Variants in PLEKHG6 observed in about 807,000 individuals in gnomAD.
PLEKHG6 encodes the protein pleckstrin homology and RhoGEF domain containing G6.
Under a neutral mutation model 97.5 loss-of-function variants are expected in PLEKHG6, and 91 were observed. The observed-to-expected ratio is 0.93, with a 90% CI of 0.79 to 1.11. The LOEUF (loss-of-function observed/expected upper bound fraction) is 1.11, where lower values mean the gene tolerates loss of function less well. Ranked by LOEUF, PLEKHG6 falls within the 50% of genes most tolerant of loss-of-function variation. PLEKHG6 has a pLI of 0.00. For missense variants in PLEKHG6, 1,044 were observed against 1,031.0 expected (o/e 1.01, Z -0.17); for synonymous variants, 466 against 425.5 (o/e 1.10, Z -1.17).
intron 10 of PLEKHG6, 70 bp from the exon 11 acceptor site, chr12:6,318,231 G>T: frequency 5.0e-6 from 8 of 1,606,428 alleles, no homozygotes; most frequent in Admixed American, 1.7e-5. Context: ...GCAGAACCAG[G>T]AGCCGCCCTT....
chr12:6,326,892 CG>C (rs942807509), intron 14 of PLEKHG6, among the ~76,000 whole-genome samples: 4 of 151,932 alleles, frequency 2.6e-5, no homozygotes, highest in African/African-American at 4.8e-5. Flanking sequence ...GCCAAATCCC[CG>C]GGGAGTGTGA....
Position 6,313,842 on chromosome 12 carries a change from G to A in PLEKHG6, c.294+58G>A, listed in dbSNP as rs114673626. ...ATACGGCCCCAATTGTGATGGCTCC[G>A]CAGATGACCAGCAAGCTCCGGGAGC... is the stretch of plus-strand genomic sequence containing the variant. On this transcript the variant is annotated intron_variant, in intron 3 of 15. Transcript: ENST00000684764. 1.5e-3 allele frequency: 2,171 copies of A among 1,461,546 alleles called. 14 individuals are homozygous for A. The African/African-American group carries it at 0.021, about 14-fold the overall frequency. 90.5% of individuals were successfully genotyped at this position (1,461,546 alleles called of 1,614,324 possible).
chr12:6,315,426 G>C lies in PLEKHG6; in HGVS notation c.460-128G>C, dbSNP rs1326172276. 1.4e-6 allele frequency: 1 copy of C among 696,426 alleles called. No individual in the cohort carries two copies. The highest frequency in any genetic ancestry group is 2.8e-5 in the Admixed American group (1 of 35,958). The allele number at this position is 696,426 out of a possible 1,614,324, so 43.1% of individuals were successfully genotyped here. On this transcript the variant is annotated intron_variant, in intron 4 of 15. Coordinates refer to ENST00000684764, the MANE Select transcript of PLEKHG6 (RefSeq NM_001384598.1). This position sits in a 1 kb window ranked among gnomAD's most constrained non-coding sequence, Gnocchi z 4.5. ...CCTACACATCAGAGCACTGGTTTGA[G>C]GATTAAAAGGTCATGGTCATGCACA...
chr12:6,317,381 G>A lies in PLEKHG6; in HGVS notation c.835G>A (p.Glu279Lys), dbSNP rs751194198. The change falls in exon 8 of 16, where the codon GAA becomes AAA. Residue 279 changes from glutamate to lysine, a missense_variant. Transcript: ENST00000684764. ...CATGGCTTACGCCCGAGAACAGCAAGAAACTAACCCTCTCTTCCATGCCTT... is the reference window on the plus strand; with the variant it reads ...CATGGCTTACGCCCGAGAACAGCAAAAAACTAACCCTCTCTTCCATGCCTT... ...QTMAYAREQQ[E>K]TNPLFHAFVQ... 6.2e-7 allele frequency: 1 copy of A among 1,614,104 alleles called. No individual in the cohort carries two copies. The highest frequency in any genetic ancestry group is 8.5e-7 in the Non-Finnish European group (1 of 1,179,998).
In PLEKHG6 at chr12:6,327,402, C is replaced by G; in HGVS notation, c.1819C>G (p.Arg607Gly). The change falls in exon 15 of 16, where the codon CGT becomes GGT. Residue 607 changes from arginine to glycine, a missense_variant. Arg to Gly is a moderately radical substitution (Grantham distance 125). Transcript: ENST00000684764. ...TPTGSRSPLS[R>G]LRQRALRRDP... ...CACGGGGTCCCGCTCCCCACTGAGCCGTCTACGCCAAAGAGCCCTTCGGCG... is the reference window on the plus strand; with the variant it reads ...CACGGGGTCCCGCTCCCCACTGAGCGGTCTACGCCAAAGAGCCCTTCGGCG... 6.2e-7 allele frequency: 1 copy of G among 1,614,154 alleles called. No homozygotes were observed. Among genetic ancestry groups the G allele is most frequent in the Non-Finnish European group, 8.5e-7 (1 of 1,180,016 alleles).
chr12:6,322,879 TA>T lies in PLEKHG6; in HGVS notation c.1525-3536del, dbSNP rs58339954. ...CCAGACAACAGGGTGAGACCTTGTC[TA>T]AAAAAAAAAAAAGTTAAATAAAACA... On this transcript the variant is annotated intron_variant, in intron 13 of 15. Transcript: ENST00000684764. Among the ~76,000 whole-genome samples, 373 of 142,534 alleles carry T rather than the reference TA, an allele frequency of 2.6e-3. 1 individual carries two copies. The highest frequency in any genetic ancestry group is 3.4e-3 in the African/African-American group (133 of 39,302). 93.5% of individuals were successfully genotyped at this position (142,534 alleles called of 152,430 possible). A position where few individuals can be genotyped will look rare whatever the true frequency, so the allele number is the denominator to read the frequency against.
intron 2 of PLEKHG6, chr12:6,313,069 A>C: frequency 1.3e-6 from 2 of 1,521,092 alleles, no homozygotes; most frequent in Non-Finnish European, 8.9e-7. Flanking sequence ...AAGGAATGTG[A>C]CCAGGCCTGC....
At chr12:6,320,856 G>A (rs1007257397) in intron 13 of PLEKHG6, among the ~76,000 whole-genome samples, 7 of 152,240 alleles carry the variant, frequency 4.6e-5, no homozygotes, top group Admixed American at 2.6e-4. Context: ...AGCTGGGCTG[G>A]ATATATTTCT....
Position 6,327,492 on chromosome 12 carries a change from G to GCCCCTCA in PLEKHG6, c.1909_1910insCCCCTCA (p.Asp637AlafsTer35). ...CATCCCTCTGCGTCCCCACCCTCCC[G>GCCCCTCA]ACCCCCAAGCTCCTCAACGCCGAAG... On this transcript the variant is annotated frameshift_variant, in exon 15 of 16. Transcript: ENST00000684764. LOFTEE classifies it high-confidence loss of function. 3.1e-6 allele frequency: 1 copy of GCCCCTCA among 320,562 alleles called. No individual in the cohort carries two copies. The highest frequency in any genetic ancestry group is 6.1e-6 in the Non-Finnish European group (1 of 162,782). 19.9% of individuals were successfully genotyped at this position (320,562 alleles called of 1,614,324 possible).
At chr12:6,312,401 G>C in intron 2 of PLEKHG6, 37 bp downstream of exon 2, 1 of 1,553,634 alleles carries the variant, frequency 6.4e-7, no homozygotes, top group Non-Finnish European at 8.6e-7. Flanking sequence ...GACCTGGTGG[G>C]GCAGGAGGGA....
chr12:6,315,310 C>A lies in PLEKHG6; in HGVS notation c.459+141C>A. 1 of 899,554 alleles carries A rather than the reference C, an allele frequency of 1.1e-6. No individual in the cohort carries two copies. 55.7% of individuals were successfully genotyped at this position (899,554 alleles called of 1,614,324 possible). On this transcript the variant is annotated intron_variant, in intron 4 of 15. Coordinates refer to ENST00000684764, the MANE Select transcript of PLEKHG6 (RefSeq NM_001384598.1). This position sits in a 1 kb window ranked among gnomAD's most constrained non-coding sequence, Gnocchi z 4.5. ...AAACGCGTTGATCTGGGTTCAGATC[C>A]CAGCTCTGCCACTTACTAGTCAGAC...
chr12:6,325,183 C>A (rs3825334), intron 13 of PLEKHG6, among the ~76,000 whole-genome samples: 62,276 of 151,246 alleles, frequency 0.41, 13,513 homozygotes, highest in Non-Finnish European at 0.48. Flanking sequence ...CCCTCCCCCT[C>A]CCCCTCCCCA....
Position 6,318,012 on chromosome 12 carries a change from AG to A in PLEKHG6, c.1155+21del. 1 of 1,575,070 alleles carries A rather than the reference AG, an allele frequency of 6.3e-7. No homozygotes were observed. Among genetic ancestry groups the A allele is most frequent in the Non-Finnish European group, 8.6e-7 (1 of 1,159,104 alleles). On this transcript the variant is annotated intron_variant, in intron 10 of 15. Transcript: ENST00000684764. ...TGGAGAAGGTGAGAGGGCAAAGGGA[AG>A]GGACCCAGGAAAAGCAAGGTCCCAG... is the stretch of plus-strand genomic sequence containing the variant.
intron 3 of PLEKHG6, 95 bp downstream of exon 3, chr12:6,313,879 G>A (rs1947359394): frequency 8.4e-7 from 1 of 1,191,072 alleles, no homozygotes; most frequent in African/African-American, 1.5e-5. Flanking sequence ...GAGAACACAG[G>A]TCCAGGAGGC....
rs183613336 is a variant in PLEKHG6, at chr12:6,323,056, C to T, written c.1525-3372C>T. 1.2e-4 allele frequency among the ~76,000 whole-genome samples: 17 copies of T among 143,390 alleles called. No homozygotes were observed. The East Asian group carries it at 2.2e-3, about 18-fold the overall frequency. 94.1% of individuals were successfully genotyped at this position (143,390 alleles called of 152,430 possible). A position where few individuals can be genotyped will look rare whatever the true frequency, so the allele number is the denominator to read the frequency against. On this transcript the variant is annotated intron_variant, in intron 13 of 15. Coordinates refer to ENST00000684764, the MANE Select transcript of PLEKHG6 (RefSeq NM_001384598.1). ...CTTTTTTCCTTCGGAACTGCCACCT[C>T]CACCTTCAGAACTTTCTCCTCTTTT...
chr12:6,315,083 G>T lies in PLEKHG6; in HGVS notation c.373G>T (p.Asp125Tyr). The change falls in exon 4 of 16, where the codon GAC (aspartate) becomes TAC (tyrosine). Residue 125 changes from aspartate (D) to tyrosine (Y), a missense_variant. Coordinates refer to ENST00000684764, the MANE Select transcript of PLEKHG6 (RefSeq NM_001384598.1). This position sits in a 1 kb window ranked among gnomAD's most constrained non-coding sequence, Gnocchi z 4.5. ...TGGGATGCCCCGGCTGCCCCCTGAG[G>T]ACCGGCGGCACTGGGAGATAGGAGA... ...MFGMPRLPPE[D>Y]RRHWEIGEGG... 12 of 1,613,616 alleles carry T rather than the reference G, an allele frequency of 7.4e-6. No individual in the cohort carries two copies. Among genetic ancestry groups the T allele is most frequent in the Non-Finnish European group, 9.3e-6 (11 of 1,179,992 alleles).
intron 13 of PLEKHG6, among the ~76,000 whole-genome samples, chr12:6,325,186 C>T (rs1592036010): frequency 6.6e-6 from 1 of 152,232 alleles, no homozygotes; most frequent in East Asian, 1.9e-4. Flanking sequence ...TCCCCCTCCC[C>T]CTCCCCAAGC....
At position 6,327,819 on chromosome 12, in the gene PLEKHG6, C is replaced by T. The variant is rs1362846672; in HGVS notation, c.2236C>T (p.Leu746=). The change falls in exon 15 of 16, where the codon CTG becomes TTG. Residue 746 remains leucine (L), a synonymous_variant. Coordinates refer to ENST00000684764, the MANE Select transcript of PLEKHG6 (RefSeq NM_001384598.1). ...EDMLREIREE[L]ASQRIEGAEE... is the part of the protein sequence containing the mutation. ...CATGCTCAGAGAGATCCGGGAGGAG[C>T]TGGCCAGCCAAAGGATTGAGGGGGC... is the stretch of plus-strand genomic sequence containing the variant. 1.3e-6 allele frequency: 2 copies of T among 1,511,542 alleles called. No individual in the cohort carries two copies. The highest frequency in any genetic ancestry group is 2.8e-5 in the African/African-American group (2 of 71,546). The allele number at this position is 1,511,542 out of a possible 1,614,324, so 93.6% of individuals were successfully genotyped here.
At chr12:6,319,712 C>A in intron 13 of PLEKHG6, 2 of 1,518,036 alleles carry the variant, frequency 1.3e-6, no homozygotes, top group Non-Finnish European at 1.8e-6. Flanking sequence ...TAGAAGTCAT[C>A]TTCCATTCGC....
Sources: allele counts gnomAD v4.1 joint callset (sites outside exome capture counted in the v4.1 genomes callset), GRCh38; gene constraint gnomAD v4.1.1; non-coding constraint Gnocchi (gnomAD v3.1); transcripts MANE v1.5; gene names NCBI Gene and HGNC (gene_info 2026-07-23, HGNC 2026-07-21).